DLGAP1: variants seen among roughly 807,000 people sequenced by gnomAD.
The protein encoded by DLGAP1 is disks large-associated protein 1.
DLGAP1 carries 11 observed loss-of-function variants against 90.8 expected under a neutral mutation model. The ratio of observed to expected loss-of-function variants is 0.12; its 90% confidence interval spans 0.08 to 0.20. The LOEUF (loss-of-function observed/expected upper bound fraction) is 0.20, where lower values mean the gene tolerates loss of function less well. DLGAP1 is among the 10% of genes least tolerant of loss of function. DLGAP1 has a pLI of 1.00. For missense variants in DLGAP1, 1,050 were observed against 1,333.8 expected (o/e 0.79, Z 3.31); for synonymous variants, 558 against 540.7 (o/e 1.03, Z -0.44).
At chr18:3,506,990 T>C (rs1464935441) in intron 11 of DLGAP1, among the ~76,000 whole-genome samples, 1 of 152,004 alleles carries the variant, frequency 6.6e-6, no homozygotes, top group African/African-American at 2.4e-5. Context: ...TTATTTTTTC[T>C]GAGAGAGGGA....
At chr18:4,151,333 A>G (rs1473425824) in intron 1 of DLGAP1, 46 bp from the exon 2 acceptor site, 3 of 152,204 alleles carry the variant, frequency 2.0e-5, no homozygotes, top group African/African-American at 7.2e-5. Context: ...CTAGCCTGAA[A>G]CAAAAAGACA....
intron 1 of DLGAP1, among the ~76,000 whole-genome samples, chr18:4,175,535 G>GT (rs2144618679): frequency 6.6e-6 from 1 of 152,162 alleles, no homozygotes; most frequent in African/African-American, 2.4e-5. Flanking sequence ...TTTTTCTAGG[G>GT]TTTTTATGGT....
intron 7 of DLGAP1, among the ~76,000 whole-genome samples, chr18:3,700,858 C>G (rs980281259): frequency 5.9e-5 from 9 of 151,868 alleles, no homozygotes; most frequent in African/African-American, 1.7e-4. Context: ...ATCCGCCCAC[C>G]TCGGCCTCCC....
chr18:3,880,719 G>A (rs946227252), intron 3 of DLGAP1, among the ~76,000 whole-genome samples: 1 of 151,898 alleles, frequency 6.6e-6, no homozygotes, highest in Non-Finnish European at 1.5e-5. Context: ...AAGGAGGGCG[G>A]ATCACCTGAG....
chr18:3,741,480 C>G (rs1398998912), intron 6 of DLGAP1, among the ~76,000 whole-genome samples: 1 of 151,820 alleles, frequency 6.6e-6, no homozygotes, highest in African/African-American at 2.4e-5. Context: ...CCATTACTAT[C>G]ACTACCACTA....
At chr18:4,147,511 G>A (rs961788015) in intron 2 of DLGAP1, among the ~76,000 whole-genome samples, 6 of 151,810 alleles carry the variant, frequency 4.0e-5, no homozygotes, top group African/African-American at 1.5e-4. Flanking sequence ...TAGTTTTTTT[G>A]TAAGAAGTTA....
At chr18:4,427,366 T>C (rs1158668040) in intron 1 of DLGAP1, among the ~76,000 whole-genome samples, 4 of 152,188 alleles carry the variant, frequency 2.6e-5, no homozygotes, top group South Asian at 2.1e-4. Context: ...CTTAGCTCTA[T>C]TGAATATGTG....
chr18:3,863,897 C>T (rs1172034647), intron 4 of DLGAP1, among the ~76,000 whole-genome samples: 3 of 152,222 alleles, frequency 2.0e-5, no homozygotes, highest in Non-Finnish European at 4.4e-5. Context: ...TTGGCCTGGC[C>T]TCCAGGCTAG....
At chr18:4,351,802 CTA>C (rs1309045280) in intron 1 of DLGAP1, among the ~76,000 whole-genome samples, 1 of 152,118 alleles carries the variant, frequency 6.6e-6, no homozygotes, top group East Asian at 1.9e-4. Flanking sequence ...TTATTTTATT[CTA>C]TACATTTTGT....
intron 1 of DLGAP1, among the ~76,000 whole-genome samples, chr18:4,348,399 A>AGTGTGTGTGTGTGTGT (rs2081339672): frequency 1.4e-5 from 1 of 70,322 alleles, no homozygotes; most frequent in Admixed American, 1.2e-4. Flanking sequence ...TGAACTCAGG[A>AGTGTGTGTGTGTGTGT]ATGTGTGTGT....
chr18:3,749,148 C>CTTCTT (rs2063392137), intron 5 of DLGAP1, among the ~76,000 whole-genome samples: 2 of 120,696 alleles, frequency 1.7e-5, no homozygotes, highest in African/African-American at 6.4e-5. Flanking sequence ...TCTTCTTCTT[C>CTTCTT]TTTTTTTTTT....
At chr18:4,239,671 G>A (rs1364557547) in intron 1 of DLGAP1, among the ~76,000 whole-genome samples, 2 of 152,238 alleles carry the variant, frequency 1.3e-5, no homozygotes, top group African/African-American at 2.4e-5. Flanking sequence ...CTCAACACCC[G>A]TTTCCTCAAA....
intron 3 of DLGAP1, among the ~76,000 whole-genome samples, chr18:3,957,482 C>G (rs949241758): frequency 6.6e-6 from 1 of 152,158 alleles, no homozygotes; most frequent in African/African-American, 2.4e-5. Flanking sequence ...AATTAATACA[C>G]TTACATTCAG....
At chr18:3,595,823 TC>T (rs1175739421) in intron 7 of DLGAP1, among the ~76,000 whole-genome samples, 2 of 152,192 alleles carry the variant, frequency 1.3e-5, no homozygotes, top group Non-Finnish European at 2.9e-5. Flanking sequence ...GGATTAAATT[TC>T]CATTTGTTCC....
intron 1 of DLGAP1, among the ~76,000 whole-genome samples, chr18:4,402,958 T>C (rs8099581): frequency 0.33 from 49,464 of 152,050 alleles, 8,195 homozygotes; most frequent in Admixed American, 0.36. Context: ...TAGTATTATA[T>C]TGCAAAAGAT....
intron 3 of DLGAP1, among the ~76,000 whole-genome samples, chr18:3,898,066 T>C (rs1209577955): frequency 6.6e-6 from 1 of 152,144 alleles, no homozygotes; most frequent in Non-Finnish European, 1.5e-5. Flanking sequence ...AGTGCTGGGA[T>C]TACAGGCGTG....
chr18:3,809,649 G>A (rs2066732534), intron 5 of DLGAP1, among the ~76,000 whole-genome samples: 2 of 152,134 alleles, frequency 1.3e-5, no homozygotes, highest in African/African-American at 2.4e-5. Context: ...ATTTCTTCCA[G>A]GGGGAGAATT....
chr18:3,612,734 C>T (rs1048081781), intron 7 of DLGAP1, among the ~76,000 whole-genome samples: 3 of 152,220 alleles, frequency 2.0e-5, no homozygotes, highest in African/African-American at 7.2e-5. Flanking sequence ...CCAATCATTT[C>T]ATACACATTT....
At chr18:3,830,745 T>C (rs2067989099) in intron 4 of DLGAP1, among the ~76,000 whole-genome samples, 1 of 152,230 alleles carries the variant, frequency 6.6e-6, no homozygotes, top group South Asian at 2.1e-4. Flanking sequence ...ACTGATCACA[T>C]TGTTTTAAAA....
Sources: allele counts gnomAD v4.1 joint callset (sites outside exome capture counted in the v4.1 genomes callset), GRCh38; gene constraint gnomAD v4.1.1; transcripts MANE v1.5; gene names NCBI Gene and HGNC (gene_info 2026-07-23, HGNC 2026-07-21).